ZNF385B: variants seen among roughly 807,000 people sequenced by gnomAD.
The protein encoded by ZNF385B is zinc finger protein 533.
A neutral mutation model predicts 39.2 loss-of-function variants in ZNF385B; 23 were observed. That is an observed-to-expected ratio of 0.59 (90% CI 0.42 to 0.83). ZNF385B has a LOEUF of 0.83. Ranked by LOEUF, ZNF385B falls within the 40% of genes least tolerant of loss-of-function variation. The pLI is 0.00. For synonymous variants in ZNF385B, 205 were observed against 222.6 expected, an observed-to-expected ratio of 0.92 and a Z score of 0.70; for missense variants, 552 against 598.9, an observed-to-expected ratio of 0.92 and a Z score of 0.82.
At chr2:179,787,104 T>A (rs1378645457) in intron 1 of ZNF385B, among the ~76,000 whole-genome samples, 1 of 152,144 alleles carries the variant, frequency 6.6e-6, no homozygotes, top group African/African-American at 2.4e-5. Flanking sequence ...TATATTTCAT[T>A]ATTATGATGG....
Position 179,717,654 on chromosome 2 carries a change from G to A in ZNF385B, c.298+51849C>T, listed in dbSNP as rs114460242. ...AGAGGTGGAGGATCAACTGAGCCCA[G>A]GAGCTTGACGCTGCAGTGAGCTGTG... is the stretch of plus-strand genomic sequence containing the variant. On this transcript the variant is annotated intron_variant, in intron 3 of 9. Transcript: ENST00000410066. Among the ~76,000 whole-genome samples the A allele has an allele frequency of 4.0e-3, 608 of 152,290 alleles. 8 individuals carry two copies. The highest frequency in any genetic ancestry group is 0.014 in the African/African-American group (577 of 41,562).
At chr2:179,811,801 G>A (rs967892932) in intron 1 of ZNF385B, among the ~76,000 whole-genome samples, 2 of 151,952 alleles carry the variant, frequency 1.3e-5, no homozygotes, top group African/African-American at 2.4e-5. Context: ...ATTGACGAGT[G>A]GGACCTAATT....
At chr2:179,542,134 C>T (rs2059955928) in intron 4 of ZNF385B, among the ~76,000 whole-genome samples, 3 of 152,128 alleles carry the variant, frequency 2.0e-5, no homozygotes, top group Admixed American at 2.0e-4. Flanking sequence ...TCATGACATT[C>T]CCTTAGGTAT....
intron 1 of ZNF385B, among the ~76,000 whole-genome samples, chr2:179,811,246 G>A (rs950266107): frequency 6.6e-6 from 1 of 152,034 alleles, no homozygotes; most frequent in African/African-American, 2.4e-5. Context: ...ACAATCTGCA[G>A]AGTCAACATT....
intron 6 of ZNF385B, among the ~76,000 whole-genome samples, chr2:179,470,045 G>A (rs1018275236): frequency 6.6e-6 from 1 of 152,104 alleles, no homozygotes; most frequent in Non-Finnish European, 1.5e-5. Context: ...AGTGTCGTTG[G>A]GATCTGTGGG....
In ZNF385B at chr2:179,445,689, G is replaced by T. The variant is rs780460956; in HGVS notation, c.1001C>A (p.Ala334Asp). The T allele has an allele frequency of 6.2e-7, 1 of 1,613,138 alleles. No homozygotes were observed. The highest frequency in any genetic ancestry group is 2.2e-5 in the East Asian group (1 of 44,794). ...TCTAGGATAGGATTTAATTGGACCA[G>T]CCCCATTACGAGCTTCAACCATGGT... is the stretch of plus-strand genomic sequence containing the variant. ...HKTMVEARNG[A>D]GPIKSYPRPG... Residue 334 changes from alanine (A) to aspartate (D), a missense_variant, in exon 8 of 10, where the codon GCT becomes GAT. By Grantham distance (126) the Ala-to-Asp change is moderately radical. Coordinates refer to ENST00000410066, the MANE Select transcript of ZNF385B (RefSeq NM_152520.6).
intron 5 of ZNF385B, among the ~76,000 whole-genome samples, chr2:179,495,535 G>A (rs976974505): frequency 3.3e-5 from 5 of 152,228 alleles, no homozygotes; most frequent in Non-Finnish European, 7.3e-5. Context: ...TGGAGTGGCT[G>A]CAACAGGCCT....
In ZNF385B at chr2:179,768,036, A is replaced by G. The variant is rs551922489; in HGVS notation, c.298+1467T>C. On this transcript the variant is annotated intron_variant, in intron 3 of 9. Coordinates refer to ENST00000410066, the MANE Select transcript of ZNF385B (RefSeq NM_152520.6). ...GTGATCTCAGCTCAATGCAACCTCTACCTCCTGGGTTCAAGTGATTTTCCT... is the reference window on the plus strand; with the variant it reads ...GTGATCTCAGCTCAATGCAACCTCTGCCTCCTGGGTTCAAGTGATTTTCCT... 3.3e-5 allele frequency among the ~76,000 whole-genome samples: 5 copies of G among 150,906 alleles called. No homozygotes were observed. The South Asian group carries it at 8.4e-4, about 25-fold the overall frequency.
At chr2:179,799,908 T>C (rs1419283816) in intron 1 of ZNF385B, among the ~76,000 whole-genome samples, 1 of 152,132 alleles carries the variant, frequency 6.6e-6, no homozygotes, top group African/African-American at 2.4e-5. Flanking sequence ...ACTGAGTTTT[T>C]GCCTGAGCAG....
chr2:179,590,506 C>A (rs1687466130), intron 3 of ZNF385B, among the ~76,000 whole-genome samples: 1 of 152,096 alleles, frequency 6.6e-6, no homozygotes, highest in Non-Finnish European at 1.5e-5. Flanking sequence ...ATTTTAGATT[C>A]TTTTTCTGCA....
At chr2:179,473,705 G>C (rs2053079049) in intron 6 of ZNF385B, among the ~76,000 whole-genome samples, 1 of 152,022 alleles carries the variant, frequency 6.6e-6, no homozygotes, top group Non-Finnish European at 1.5e-5. Flanking sequence ...CCCAGTGTGT[G>C]ATGTTTCCCT....
intron 1 of ZNF385B, among the ~76,000 whole-genome samples, chr2:179,786,616 G>A (rs1237225269): frequency 4.0e-5 from 6 of 151,846 alleles, no homozygotes; most frequent in African/African-American, 1.5e-4. Context: ...ACCTTCAGAT[G>A]TAAGAGGCTT....
intron 1 of ZNF385B, among the ~76,000 whole-genome samples, chr2:179,776,100 T>G (rs1466763463): frequency 6.6e-6 from 1 of 152,222 alleles, no homozygotes; most frequent in African/African-American, 2.4e-5. Context: ...AACCTCATAT[T>G]TGGGGTCATT....
At chr2:179,476,835 T>C (rs2053491102) in intron 6 of ZNF385B, among the ~76,000 whole-genome samples, 1 of 152,330 alleles carries the variant, frequency 6.6e-6, no homozygotes, top group African/African-American at 2.4e-5. Flanking sequence ...ATGGGACTCA[T>C]TTATGTTCTA....
chr2:179,597,237 T>C (rs765772039), intron 3 of ZNF385B, among the ~76,000 whole-genome samples: 12 of 152,218 alleles, frequency 7.9e-5, no homozygotes, highest in Non-Finnish European at 1.5e-4. Flanking sequence ...AGGTACCTAA[T>C]TTATATCTTC....
At chr2:179,688,490 AAAC>A (rs75401653) in intron 3 of ZNF385B, among the ~76,000 whole-genome samples, 66,447 of 149,466 alleles carry the variant, frequency 0.44, 14,927 homozygotes, top group African/African-American at 0.5. Flanking sequence ...TCCCCCTGCA[AAAC>A]AACAACAACA....
At chr2:179,515,645 T>C (rs1258233673) in intron 5 of ZNF385B, among the ~76,000 whole-genome samples, 1 of 152,224 alleles carries the variant, frequency 6.6e-6, no homozygotes, top group African/African-American at 2.4e-5. Context: ...AGTCTTATCA[T>C]ACTTTCATTC....
intron 1 of ZNF385B, among the ~76,000 whole-genome samples, chr2:179,799,158 T>TTACATAATTA: frequency 6.6e-6 from 1 of 152,220 alleles, no homozygotes; most frequent in East Asian, 1.9e-4. Context: ...CTATTGTTAA[T>TTACATAATTA]TATACAATTA....
At position 179,483,369 on chromosome 2, in the gene ZNF385B, C is replaced by A; in HGVS notation, c.618G>T (p.Thr206=). The A allele has an allele frequency of 4.3e-6, 7 of 1,613,980 alleles. No individual in the cohort carries two copies. The highest frequency in any genetic ancestry group is 5.1e-6 in the Non-Finnish European group (6 of 1,179,920). The stretch of plus-strand genomic sequence containing the variant: ...AAGGAACCATTTTGGGTTTATTTTT[C>A]GTTGCGTCTAGTGCTTTGACCTTCT... The part of the protein sequence containing the change: ...HAKKVKALDA[T]KNKPKMVPSK... Residue 206 remains threonine (T), a synonymous_variant, in exon 6 of 10, where the codon ACG becomes ACT. Transcript: ENST00000410066.
Sources: allele counts gnomAD v4.1 joint callset (sites outside exome capture counted in the v4.1 genomes callset), GRCh38; gene constraint gnomAD v4.1.1; transcripts MANE v1.5; gene names NCBI Gene and HGNC (gene_info 2026-07-23, HGNC 2026-07-21).